LRMDA: variants seen among roughly 807,000 people sequenced by gnomAD.
The protein encoded by LRMDA is leucine-rich melanocyte differentiation-associated protein.
LRMDA carries 18 observed loss-of-function variants against 29.8 expected under a neutral mutation model. The ratio of observed to expected loss-of-function variants is 0.60; its 90% CI spans 0.42 to 0.90. The LOEUF is 0.90. Ranked by LOEUF, LRMDA falls within the 40% of genes least tolerant of loss-of-function variation. The pLI, the probability that LRMDA is intolerant of heterozygous loss-of-function variation, is 0.00. For synonymous variants in LRMDA, 125 were observed against 109.4 expected (o/e 1.14, Z -0.89); for missense variants, 273 against 273.9 (o/e 1.00, Z 0.02).
chr10:76,532,764 G>A (rs1025591219), intron 6 of LRMDA, among the ~76,000 whole-genome samples: 1 of 152,194 alleles, frequency 6.6e-6, no homozygotes, highest in African/African-American at 2.4e-5. Flanking sequence ...GGAGGAACAA[G>A]CCATTTCAGC....
At chr10:75,713,467 T>G (rs891074105) in intron 2 of LRMDA, among the ~76,000 whole-genome samples, 1 of 152,198 alleles carries the variant, frequency 6.6e-6, no homozygotes, top group African/African-American at 2.4e-5. Context: ...CCTACATGGG[T>G]AAAGAATGCA....
chr10:76,526,307 C>T (rs1481174852), intron 6 of LRMDA, among the ~76,000 whole-genome samples: 1 of 152,174 alleles, frequency 6.6e-6, no homozygotes, highest in Admixed American at 6.5e-5. Context: ...GATCAGTAGG[C>T]ACCCAGGTCC....
chr10:75,524,568 G>A (rs1433652210), intron 2 of LRMDA, among the ~76,000 whole-genome samples: 1 of 152,016 alleles, frequency 6.6e-6, no homozygotes, highest in Non-Finnish European at 1.5e-5. Context: ...CTCTCCCCAG[G>A]GTCACTGGGG....
chr10:75,610,976 G>A (rs1841023086), intron 2 of LRMDA, among the ~76,000 whole-genome samples: 1 of 152,130 alleles, frequency 6.6e-6, no homozygotes, highest in Admixed American at 6.5e-5. Flanking sequence ...TTCTGCTGAG[G>A]GGAGGTGGAC....
At chr10:75,821,120 G>C (rs1051896389) in intron 2 of LRMDA, among the ~76,000 whole-genome samples, 3 of 152,220 alleles carry the variant, frequency 2.0e-5, no homozygotes, top group Admixed American at 2.0e-4. Context: ...TACTAAAACT[G>C]TTCCAAAAAT....
At chr10:76,197,201 G>C (rs940446184) in intron 5 of LRMDA, among the ~76,000 whole-genome samples, 53 of 152,124 alleles carry the variant, frequency 3.5e-4, no homozygotes, top group Non-Finnish European at 5.4e-4. Context: ...AATTTAACCA[G>C]TGGTTTAAAA....
At chr10:76,552,511 C>G (rs1843508638) in intron 6 of LRMDA, among the ~76,000 whole-genome samples, 1 of 152,190 alleles carries the variant, frequency 6.6e-6, no homozygotes, top group Non-Finnish European at 1.5e-5. Context: ...GAATTTGTCT[C>G]CTGCATCAGG....
intron 5 of LRMDA, among the ~76,000 whole-genome samples, chr10:76,281,650 G>A (rs1227647443): frequency 3.3e-5 from 5 of 152,042 alleles, no homozygotes; most frequent in Admixed American, 1.3e-4. Flanking sequence ...GCCCTCTGCC[G>A]GCCTTATTTC....
At chr10:75,456,368 C>A (rs1458526224) in intron 2 of LRMDA, among the ~76,000 whole-genome samples, 2 of 152,242 alleles carry the variant, frequency 1.3e-5, no homozygotes, top group Non-Finnish European at 2.9e-5. Context: ...AGGGGAGGAA[C>A]CAAAACTTGA....
At chr10:75,886,285 GGC>G (rs1391714345) in intron 2 of LRMDA, among the ~76,000 whole-genome samples, 1 of 152,174 alleles carries the variant, frequency 6.6e-6, no homozygotes, top group East Asian at 1.9e-4. Context: ...GGATTTGTTT[GGC>G]TGAACAGTGT....
chr10:76,102,245 C>A (rs1280441216), intron 5 of LRMDA, among the ~76,000 whole-genome samples: 4 of 152,064 alleles, frequency 2.6e-5, no homozygotes, highest in Non-Finnish European at 5.9e-5. Context: ...ATTTTTATTG[C>A]ATCTGTTTTT....
At chr10:75,900,232 A>G (rs1845647686) in intron 2 of LRMDA, among the ~76,000 whole-genome samples, 1 of 152,206 alleles carries the variant, frequency 6.6e-6, no homozygotes, top group Non-Finnish European at 1.5e-5. Context: ...TTGCACCACA[A>G]GAGTTAAGTC....
chr10:76,320,487 A>G (rs961425569), intron 5 of LRMDA, among the ~76,000 whole-genome samples: 8 of 152,138 alleles, frequency 5.3e-5, no homozygotes, highest in Non-Finnish European at 1.0e-4. Flanking sequence ...CAAAAAGTCA[A>G]TCAGAGGTGG....
At position 76,346,161 on chromosome 10, in the gene LRMDA, C is replaced by A. The variant is rs192525284; in HGVS notation, c.601+21676C>A. On this transcript the variant is annotated intron_variant, in intron 6 of 6. Coordinates refer to ENST00000611255, the MANE Select transcript of LRMDA (RefSeq NM_001305581.2). ...GGAAATAGTTTTGAAAGTGTAGACA[C>A]AAAACTCCTAACAATAGTTACTTCT... Among the ~76,000 whole-genome samples the A allele has an allele frequency of 4.3e-4, 66 of 152,132 alleles. No individual in the cohort carries two copies. The East Asian group carries it at 0.011, about 25-fold the overall frequency.
At position 76,036,003 on chromosome 10, in the gene LRMDA, T is replaced by C; in HGVS notation, c.132-5T>C. ...TCATTTTTCCTGTTGCCTTTGTCAT[T>C]GCAGGTCACTGGAAGGACTGAGCGC... On this transcript the variant is annotated splice_region_variant and splice_polypyrimidine_tract_variant and intron_variant, in intron 2 of 6. Coordinates refer to ENST00000611255, the MANE Select transcript of LRMDA (RefSeq NM_001305581.2). 6.2e-7 allele frequency: 1 copy of C among 1,613,536 alleles called. No individual in the cohort carries two copies. Among genetic ancestry groups the C allele is most frequent in the Non-Finnish European group, 8.5e-7 (1 of 1,179,822 alleles).
At chr10:76,091,247 A>G (rs2132090915) in intron 5 of LRMDA, among the ~76,000 whole-genome samples, 1 of 150,908 alleles carries the variant, frequency 6.6e-6, no homozygotes, top group African/African-American at 2.4e-5. Flanking sequence ...GCCCACCCCA[A>G]ACTGTTCTCC....
intron 5 of LRMDA, among the ~76,000 whole-genome samples, chr10:76,216,126 G>A (rs1851724871): frequency 1.3e-5 from 2 of 152,182 alleles, no homozygotes; most frequent in Admixed American, 1.3e-4. Flanking sequence ...GGCCAACACA[G>A]GAAGATTGCT....
chr10:75,805,962 C>T (rs890587012), intron 2 of LRMDA, among the ~76,000 whole-genome samples: 2 of 152,140 alleles, frequency 1.3e-5, no homozygotes, highest in African/African-American at 4.8e-5. Flanking sequence ...TTAATTGGCT[C>T]ATGGTTCTGC....
At chr10:75,452,885 G>T (rs981596559) in intron 2 of LRMDA, among the ~76,000 whole-genome samples, 1 of 152,044 alleles carries the variant, frequency 6.6e-6, no homozygotes, top group African/African-American at 2.4e-5. Flanking sequence ...CACTTGATTT[G>T]GAAATCAATT....
Sources: allele counts gnomAD v4.1 joint callset (sites outside exome capture counted in the v4.1 genomes callset), GRCh38; gene constraint gnomAD v4.1.1; transcripts MANE v1.5; gene names NCBI Gene and HGNC (gene_info 2026-07-23, HGNC 2026-07-21).